DYNC2I1: variants seen among roughly 807,000 people sequenced by gnomAD.
DYNC2I1 encodes the protein dynein 2 intermediate chain 1, also known as cytoplasmic dynein 2 intermediate chain 1.
DYNC2I1 carries 89 observed loss-of-function variants against 133.4 expected under a neutral mutation model. The ratio of observed to expected loss-of-function variants is 0.67; its 90% CI spans 0.56 to 0.80. DYNC2I1 has a LOEUF of 0.80. Among genes scored for constraint, DYNC2I1 ranks in the 30% least tolerant of loss-of-function variants. The pLI is 0.00. For synonymous variants in DYNC2I1, 504 were observed against 484.3 expected, an observed-to-expected ratio of 1.04 and a Z score of -0.54; for missense variants, 1,291 against 1,314.5, an observed-to-expected ratio of 0.98 and a Z score of 0.28.
intron 4 of DYNC2I1, among the ~76,000 whole-genome samples, chr7:158,955,961 G>A (rs1340455618): frequency 1.3e-5 from 2 of 152,226 alleles, no homozygotes; most frequent in African/African-American, 2.4e-5. Flanking sequence ...GCGGAACCTC[G>A]CCTCTAAACT....
intron 5 of DYNC2I1, 74 bp downstream of exon 5, chr7:158,880,063 G>A (rs934839493): frequency 2.4e-5 from 36 of 1,505,790 alleles, no homozygotes; most frequent in African/African-American, 9.8e-5. Context: ...TTACCGGGCG[G>A]TGTCGCCAGA....
chr7:158,941,061 CA>C (rs1235822832), intron 23 of DYNC2I1, among the ~76,000 whole-genome samples: 2 of 151,810 alleles, frequency 1.3e-5, no homozygotes, highest in African/African-American at 2.4e-5. Context: ...GAAAGATAAG[CA>C]AAATCGACAA....
Position 158,942,094 on chromosome 7 carries a change from ACCT to A in DYNC2I1, c.2954_2956del (p.Leu985del), listed in dbSNP as rs1163010338. On this transcript the variant is annotated inframe_deletion, in exon 24 of 25. Transcript: ENST00000407559. Reference sequence around the variant, plus strand: ...GACACATCCAACATCTACATCTGGGACCTCCTCCAGAGCGATCTGGGTCCTGTC... The same window carrying A: ...GACACATCCAACATCTACATCTGGGACCTCCAGAGCGATCTGGGTCCTGTC... The A allele has an allele frequency of 6.2e-7, 1 of 1,605,776 alleles. No homozygotes were observed. The highest frequency in any genetic ancestry group is 1.1e-5 in the South Asian group (1 of 89,812).
chr7:158,869,226 CCG>C (rs1842669894), intron 1 of DYNC2I1, among the ~76,000 whole-genome samples: 1 of 145,088 alleles, frequency 6.9e-6, no homozygotes, highest in Non-Finnish European at 1.5e-5. Flanking sequence ...CCCTCTGGGC[CCG>C]TGGCTGTGGC....
chr7:158,871,152 C>A lies in DYNC2I1; in HGVS notation c.80C>A (p.Ser27Ter). 2 of 1,612,654 alleles carry A rather than the reference C, an allele frequency of 1.2e-6. No homozygotes were observed. The highest frequency in any genetic ancestry group is 2.2e-5 in the South Asian group (2 of 90,884). ...DLRKHLWAIQSGGSKEERKHR... is the reference protein window; with the variant it reads ...DLRKHLWAIQ The stretch of plus-strand genomic sequence containing the variant: ...GTTCTCTTGTTTCAGGCCATACAGT[C>A]AGGTGGTTCCAAGGAAGAAAGAAAG... Residue 27 changes from serine to a stop codon, truncating the protein, a stop_gained, in exon 3 of 25, where the codon TCA (serine) becomes TAA (stop). Coordinates refer to ENST00000407559, the MANE Select transcript of DYNC2I1 (RefSeq NM_018051.5). LOFTEE classifies it high-confidence loss of function.
intron 1 of DYNC2I1, among the ~76,000 whole-genome samples, chr7:158,865,780 A>G (rs1842351066): frequency 6.6e-6 from 1 of 152,154 alleles, no homozygotes; most frequent in African/African-American, 2.4e-5. Context: ...GGGCAGGTCA[A>G]GTTGGTCTTT....
chr7:158,935,094 C>A (rs1004462992), intron 23 of DYNC2I1, among the ~76,000 whole-genome samples: 2 of 152,164 alleles, frequency 1.3e-5, no homozygotes, highest in African/African-American at 4.8e-5. Flanking sequence ...TGAAGAAATT[C>A]TTAGTGTGAG....
chr7:158,908,589 C>G, intron 11 of DYNC2I1, among the ~76,000 whole-genome samples: 1 of 152,152 alleles, frequency 6.6e-6, no homozygotes, highest in East Asian at 1.9e-4. Context: ...GACTTGAGAT[C>G]CAGTCAGGAA....
At chr7:158,900,116 CTT>C (rs869092810) in intron 8 of DYNC2I1, among the ~76,000 whole-genome samples, 3 of 137,030 alleles carry the variant, frequency 2.2e-5, no homozygotes. Context: ...GAATGTAATT[CTT>C]TTTTTTTTTT....
At chr7:158,865,975 C>A (rs775806860) in intron 1 of DYNC2I1, among the ~76,000 whole-genome samples, 1 of 152,172 alleles carries the variant, frequency 6.6e-6, no homozygotes, top group African/African-American at 2.4e-5. Flanking sequence ...AGTCAGTATT[C>A]TGTGCATTTA....
chr7:158,864,104 T>G, intron 1 of DYNC2I1, among the ~76,000 whole-genome samples: 1 of 121,548 alleles, frequency 8.2e-6, no homozygotes. Context: ...GAGAGGGACG[T>G]CCTTAGCTCC....
intron 21 of DYNC2I1, 147 bp from the exon 22 acceptor site, chr7:158,933,982 A>G: frequency 1.6e-6 from 1 of 607,672 alleles, no homozygotes; most frequent in Non-Finnish European, 2.8e-6. Context: ...GCAGAAGAAA[A>G]TAGAAACAGA....
intron 15 of DYNC2I1, among the ~76,000 whole-genome samples, chr7:158,919,253 C>A (rs528006961): frequency 6.6e-6 from 1 of 152,266 alleles, no homozygotes; most frequent in South Asian, 2.1e-4. Flanking sequence ...GTGTTCAGAT[C>A]AAAGTTGTGT....
chr7:158,881,713 A>G (rs989407441), intron 5 of DYNC2I1, among the ~76,000 whole-genome samples: 2 of 152,170 alleles, frequency 1.3e-5, no homozygotes, highest in African/African-American at 2.4e-5. Flanking sequence ...TTGGCCTCCC[A>G]AAGTGCTGGG....
chr7:158,919,230 C>T (rs545344046), intron 15 of DYNC2I1, among the ~76,000 whole-genome samples: 24 of 152,238 alleles, frequency 1.6e-4, no homozygotes, highest in African/African-American at 4.3e-4. Context: ...AATAGTTGGA[C>T]GAGCATGAGA....
intron 23 of DYNC2I1, among the ~76,000 whole-genome samples, chr7:158,937,622 G>GAAAAAAAAA (rs71189438): frequency 3.9e-4 from 43 of 109,452 alleles, no homozygotes; most frequent in African/African-American, 1.4e-3. Context: ...ACTGTCTCAA[G>GAAAAAAAAA]AAAAAAAAAA....
At chr7:158,891,990 G>A (rs1845273128) in intron 8 of DYNC2I1, among the ~76,000 whole-genome samples, 1 of 152,084 alleles carries the variant, frequency 6.6e-6, no homozygotes, top group African/African-American at 2.4e-5. Context: ...AGCACTTGGG[G>A]CTCTCCTCGG....
At chr7:158,846,220 C>T in the DYNC2I1 span, among the ~76,000 whole-genome samples, 2 of 152,138 alleles carry the variant, frequency 1.3e-5, no homozygotes, top group African/African-American at 4.8e-5. Flanking sequence ...GATTGCACCA[C>T]TGCACTCCAG....
chr7:158,861,119 C>A (rs1395724736), intron 1 of DYNC2I1, among the ~76,000 whole-genome samples: 1 of 152,226 alleles, frequency 6.6e-6, no homozygotes, highest in African/African-American at 2.4e-5. Context: ...TTTGTTTTAG[C>A]CAACACCTGG....
Sources: gnomAD v4.1 joint callset for allele counts (sites outside exome capture counted in the v4.1 genomes callset) on GRCh38, gnomAD v4.1.1 for gene constraint, MANE v1.5 for transcripts, NCBI Gene and HGNC (gene_info 2026-07-23, HGNC 2026-07-21) for gene names.